SHISA6: variants seen among roughly 807,000 people sequenced by gnomAD.
The protein encoded by SHISA6 is protein shisa-6.
Under a neutral mutation model 47.9 loss-of-function variants are expected in SHISA6, and 22 were observed. The observed-to-expected ratio is 0.46, with a 90% CI of 0.33 to 0.66. SHISA6 has a LOEUF of 0.66. SHISA6 is among the 30% of genes least tolerant of loss of function. SHISA6 has a pLI of 0.02. For synonymous variants in SHISA6, 388 were observed against 337.8 expected (o/e 1.15, Z -1.63); for missense variants, 680 against 764.6 (o/e 0.89, Z 1.30).
At chr17:11,326,641 A>T (rs1056358596) in intron 2 of SHISA6, among the ~76,000 whole-genome samples, 3 of 152,200 alleles carry the variant, frequency 2.0e-5, no homozygotes, top group Non-Finnish European at 2.9e-5. Context: ...TTGGCTCCAG[A>T]GGGAGATGTG....
At chr17:11,368,080 A>C (rs186598283) in intron 2 of SHISA6, among the ~76,000 whole-genome samples, 1 of 152,296 alleles carries the variant, frequency 6.6e-6, no homozygotes. Flanking sequence ...ATAGATGACA[A>C]AATCCCACAA....
At chr17:11,283,524 C>A (rs8075288) in intron 2 of SHISA6, among the ~76,000 whole-genome samples, 116,672 of 152,168 alleles carry the variant, frequency 0.77, 45,356 homozygotes, top group Non-Finnish European at 0.84. Flanking sequence ...TGAATAAATG[C>A]ATGCACGTGC....
At chr17:11,377,955 G>T (rs538435807) in intron 2 of SHISA6, among the ~76,000 whole-genome samples, 138 of 152,272 alleles carry the variant, frequency 9.1e-4, no homozygotes, top group African/African-American at 3.2e-3. Flanking sequence ...TTGTTACATA[G>T]GTAAACATGT....
intron 3 of SHISA6, among the ~76,000 whole-genome samples, chr17:11,402,259 T>C (rs1913801111): frequency 6.6e-6 from 1 of 152,198 alleles, no homozygotes; most frequent in South Asian, 2.1e-4. Context: ...TACACGGCTT[T>C]CTCAGCCCAC....
chr17:11,276,556 C>T (rs189257227), intron 2 of SHISA6, among the ~76,000 whole-genome samples: 2 of 152,168 alleles, frequency 1.3e-5, no homozygotes, highest in East Asian at 3.9e-4. Flanking sequence ...ATCTCTCTGT[C>T]TTCCTCCCTC....
rs184624471 is a variant in SHISA6 at position 11,450,041 on chromosome 17, C to T, written c.895+70532C>T. ...CTGGGACTACAGGCGTCCGCCACCA[C>T]GCCTGGTTAATTTTTTTGTATTTTT... On this transcript the variant is annotated intron_variant, in intron 3 of 5. Transcript: ENST00000441885. Among the ~76,000 whole-genome samples, 594 of 152,272 alleles carry T rather than the reference C, an allele frequency of 3.9e-3. 5 individuals carry two copies. The highest frequency in any genetic ancestry group is 0.014 in the African/African-American group (562 of 41,588).
In SHISA6 at chr17:11,377,573, T is replaced by C. The variant is rs1162503617; in HGVS notation, c.800-1841T>C. On this transcript the variant is annotated intron_variant, in intron 2 of 5. Coordinates refer to ENST00000441885, the MANE Select transcript of SHISA6 (RefSeq NM_207386.4). ...GGGGCCCAGCACCTGTTTTAAGCTC[T>C]CCTGGCTATGCTGAGGCACTCTCAG... 2.0e-5 allele frequency among the ~76,000 whole-genome samples: 3 copies of C among 152,142 alleles called. No individual in the cohort carries two copies. In the East Asian group the frequency reaches 5.8e-4, roughly 29 times the overall value.
intron 2 of SHISA6, among the ~76,000 whole-genome samples, chr17:11,342,422 G>A (rs1182836442): frequency 6.6e-5 from 10 of 151,996 alleles, no homozygotes. Flanking sequence ...GGACGGTGGA[G>A]ATATGGAGAG....
At chr17:11,319,057 C>T (rs1383820805) in intron 2 of SHISA6, among the ~76,000 whole-genome samples, 2 of 146,546 alleles carry the variant, frequency 1.4e-5, no homozygotes, top group African/African-American at 5.0e-5. Context: ...TTTTCTAAGA[C>T]CTGTATTTCT....
intron 2 of SHISA6, among the ~76,000 whole-genome samples, chr17:11,291,547 T>C (rs2142169498): frequency 6.6e-6 from 1 of 152,082 alleles, no homozygotes; most frequent in African/African-American, 2.4e-5. Flanking sequence ...GGCAGGAGAA[T>C]TACTTTAACC....
intron 3 of SHISA6, among the ~76,000 whole-genome samples, chr17:11,426,486 C>T (rs1914614083): frequency 6.6e-6 from 1 of 152,160 alleles, no homozygotes; most frequent in Non-Finnish European, 1.5e-5. Flanking sequence ...AGCATGATGT[C>T]TTAGCAAGAG....
At chr17:11,440,808 ATAG>A (rs2142297067) in intron 3 of SHISA6, among the ~76,000 whole-genome samples, 1 of 152,062 alleles carries the variant, frequency 6.6e-6, no homozygotes, top group South Asian at 2.1e-4. Flanking sequence ...GGAGTTAATA[ATAG>A]GAGATGTGGG....
At chr17:11,358,453 G>C (rs1912144971) in intron 2 of SHISA6, among the ~76,000 whole-genome samples, 1 of 151,862 alleles carries the variant, frequency 6.6e-6, no homozygotes, top group Admixed American at 6.6e-5. Flanking sequence ...TCCGCCTCTT[G>C]GGTTCACGCC....
chr17:11,502,340 C>G (rs1197142643), intron 3 of SHISA6, among the ~76,000 whole-genome samples: 2 of 129,506 alleles, frequency 1.5e-5, no homozygotes, highest in Non-Finnish European at 3.1e-5. Flanking sequence ...ACCCGGGAGG[C>G]GGAGCTTGCA....
chr17:11,529,858 T>C (rs923560910), intron 3 of SHISA6, among the ~76,000 whole-genome samples: 1 of 152,086 alleles, frequency 6.6e-6, no homozygotes, highest in Non-Finnish European at 1.5e-5. Flanking sequence ...AAAGAAATGA[T>C]CAAACATATT....
chr17:11,244,549 C>T (rs544151128), intron 1 of SHISA6, among the ~76,000 whole-genome samples: 4 of 152,166 alleles, frequency 2.6e-5, no homozygotes, highest in South Asian at 2.1e-4. Flanking sequence ...ACTTTGCTCA[C>T]ACCTCAGAGA....
Position 11,554,360 on chromosome 17 carries a change from T to C in SHISA6, c.953-1380T>C, listed in dbSNP as rs1597584354. ...TGAACACCAGCTCACTGGCTGAGCTTCCCTGGCTCAGTCCCCAGTGTTGGG... is the reference window on the plus strand; with the variant it reads ...TGAACACCAGCTCACTGGCTGAGCTCCCCTGGCTCAGTCCCCAGTGTTGGG... On this transcript the variant is annotated intron_variant, in intron 4 of 5. Transcript: ENST00000441885. Among the ~76,000 whole-genome samples the C allele has an allele frequency of 3.9e-5, 6 of 152,170 alleles. No individual in the cohort carries two copies. In the East Asian group the frequency reaches 1.2e-3, roughly 30 times the overall value.
intron 2 of SHISA6, among the ~76,000 whole-genome samples, chr17:11,307,200 T>G (rs1344773691): frequency 2.0e-5 from 3 of 152,028 alleles, no homozygotes; most frequent in African/African-American, 4.8e-5. Flanking sequence ...GGGATATATT[T>G]AGTACTCTGT....
intron 1 of SHISA6, among the ~76,000 whole-genome samples, chr17:11,251,150 AG>A (rs775651075): frequency 6.6e-6 from 1 of 152,068 alleles, no homozygotes; most frequent in Non-Finnish European, 1.5e-5. Flanking sequence ...AATGTAATGG[AG>A]TCAGTGATAC....
Sources: allele counts gnomAD v4.1 joint callset (sites outside exome capture counted in the v4.1 genomes callset), GRCh38; gene constraint gnomAD v4.1.1; transcripts MANE v1.5; gene names NCBI Gene and HGNC (gene_info 2026-07-23, HGNC 2026-07-21).